TMEM50B: variants seen among roughly 807,000 people sequenced by gnomAD.
TMEM50B encodes HCV p7-trans-regulated protein 3.
Under a neutral mutation model 23.4 loss-of-function variants are expected in TMEM50B, and 14 were observed. That is an observed-to-expected ratio of 0.60 (90% CI 0.39 to 0.93). TMEM50B has a LOEUF of 0.93. TMEM50B is among the 40% of genes least tolerant of loss of function. The probability of loss-of-function intolerance (pLI) is 0.00; values close to 1 mark genes in which losing one functional copy is unlikely to be tolerated. For missense variants in TMEM50B, 159 were observed against 193.0 expected (o/e 0.82, Z 1.04); for synonymous variants, 64 against 62.3 (o/e 1.03, Z -0.13).
In TMEM50B at chr21:33,474,861, A is replaced by G. The variant is rs970420211; in HGVS notation, c.-42+4977T>C. On this transcript the variant is annotated intron_variant, in intron 1 of 6. Transcript: ENST00000542230. ...TAAATAAAATAAAAAAGCAAGAGAA[A>G]GATAAACACAAACAAATCAGGACAG... 3.4e-5 allele frequency among the ~76,000 whole-genome samples: 3 copies of G among 88,596 alleles called. No individual in the cohort carries two copies. The East Asian group carries it at 1.4e-3, about 42-fold the overall frequency. The allele number at this position is 88,596 out of a possible 152,430, so 58.1% of individuals were successfully genotyped here. A position where few individuals can be genotyped will look rare whatever the true frequency, so the allele number is the denominator to read the frequency against.
rs369469668 is a variant in TMEM50B, at chr21:33,464,710, A to G, written c.280+632T>C. Among the ~76,000 whole-genome samples, 33 of 149,430 alleles carry G rather than the reference A, an allele frequency of 2.2e-4. No individual in the cohort carries two copies. The East Asian group carries it at 4.8e-3, about 22-fold the overall frequency. On this transcript the variant is annotated intron_variant, in intron 4 of 6. Coordinates refer to ENST00000542230, the MANE Select transcript of TMEM50B (RefSeq NM_006134.7). Reference sequence around the variant, plus strand: ...ATCCCAGCTCTCGGGAGGGTGAGGCAGGAGAATTGCTTGAACCCAGGGGGT... The same window carrying G: ...ATCCCAGCTCTCGGGAGGGTGAGGCGGGAGAATTGCTTGAACCCAGGGGGT...
intron 4 of TMEM50B, among the ~76,000 whole-genome samples, chr21:33,463,005 T>G (rs2084230941): frequency 6.6e-6 from 1 of 152,182 alleles, no homozygotes; most frequent in African/African-American, 2.4e-5. Flanking sequence ...AAGCATCAGG[T>G]AGAAGGCTGG....
chr21:33,449,177 G>A lies in TMEM50B; in HGVS notation c.*1641C>T, dbSNP rs1249413728. ...TAATATTTATTGCAACAGGTTATGA[G>A]GTGGAAACAAATAATTAGTCTTACA... On this transcript the variant is annotated 3_prime_UTR_variant, in exon 7 of 7. Transcript: ENST00000542230. The A allele has an allele frequency of 6.6e-6, 1 of 152,158 alleles. No individual in the cohort carries two copies. Among genetic ancestry groups the A allele is most frequent in the Non-Finnish European group, 1.5e-5 (1 of 68,030 alleles). 9.4% of individuals were successfully genotyped at this position (152,158 alleles called of 1,614,324 possible).
At chr21:33,450,885 T>A (rs764336623) in intron 6 of TMEM50B, 22 bp from the exon 7 acceptor site, 1 of 1,608,762 alleles carries the variant, frequency 6.2e-7, no homozygotes, top group Non-Finnish European at 8.5e-7. Context: ...GGAAAACAAA[T>A]CATGAGGAAA....
chr21:33,436,284 G>C (rs957953969), intron 8 of TMEM50B, among the ~76,000 whole-genome samples: 2 of 150,962 alleles, frequency 1.3e-5, no homozygotes, highest in African/African-American at 4.9e-5. Flanking sequence ...AGATGAGATC[G>C]TGTCATTGCA....
intron 2 of TMEM50B, among the ~76,000 whole-genome samples, 181 bp from the exon 3 acceptor site, chr21:33,467,303 T>C (rs2084273234): frequency 6.6e-6 from 1 of 152,066 alleles, no homozygotes; most frequent in African/African-American, 2.4e-5. Flanking sequence ...AGTTCAAGCC[T>C]GGTCATCATG....
downstream of TMEM50B, among the ~76,000 whole-genome samples, chr21:33,444,929 G>C (rs1485435691): frequency 6.6e-6 from 1 of 151,410 alleles, no homozygotes; most frequent in Admixed American, 6.6e-5. Context: ...CCAGGAGTTC[G>C]AGACCAGCCT....
chr21:33,443,265 T>C (rs1396992716), intron 7 of TMEM50B, among the ~76,000 whole-genome samples: 1 of 152,212 alleles, frequency 6.6e-6, no homozygotes, highest in Non-Finnish European at 1.5e-5. Context: ...CTATTTACTT[T>C]CTGAAATTTT....
At chr21:33,464,301 G>A (rs757951453) in intron 4 of TMEM50B, among the ~76,000 whole-genome samples, 11 of 151,248 alleles carry the variant, frequency 7.3e-5, no homozygotes, top group Non-Finnish European at 1.5e-4. Flanking sequence ...GGGTTCAAGC[G>A]ATTCTCTTGC....
At chr21:33,474,233 C>CA (rs146886032) in intron 1 of TMEM50B, among the ~76,000 whole-genome samples, 34,563 of 151,584 alleles carry the variant, frequency 0.23, 4,490 homozygotes, top group Middle Eastern at 0.31. Context: ...GACAGGGTTT[C>CA]ACCCAGTTGT....
At chr21:33,467,143 A>G in intron 2 of TMEM50B, 21 bp from the exon 3 acceptor site, 1 of 1,589,434 alleles carries the variant, frequency 6.3e-7, no homozygotes, top group South Asian at 1.1e-5. Context: ...AGCCCAAGTC[A>G]CTGAAACATT....
chr21:33,441,091 G>A (rs984422143), intron 7 of TMEM50B, among the ~76,000 whole-genome samples: 1 of 151,662 alleles, frequency 6.6e-6, no homozygotes, highest in African/African-American at 2.4e-5. Flanking sequence ...TCAGCCCAGC[G>A]CAGTGGCAGG....
At chr21:33,454,482 T>G (rs150092476) in intron 6 of TMEM50B, among the ~76,000 whole-genome samples, 1 of 152,006 alleles carries the variant, frequency 6.6e-6, no homozygotes, top group African/African-American at 2.4e-5. Context: ...TGTATTTTTA[T>G]TAGAGATGGG....
At chr21:33,473,075 A>C (rs1175380754) in intron 1 of TMEM50B, among the ~76,000 whole-genome samples, 1 of 152,092 alleles carries the variant, frequency 6.6e-6, no homozygotes, top group Non-Finnish European at 1.5e-5. Context: ...ACAGAGACAG[A>C]ACAATAGGAA....
rs2084100501 is a variant in TMEM50B, at chr21:33,449,786, A to G, written c.*1032T>C. ...TGCGATTGTCTCAAACTTGCTTGCT[A>G]TTGAATTGTGTAACATCAGATAATG... is the stretch of plus-strand genomic sequence containing the variant. On this transcript the variant is annotated 3_prime_UTR_variant, in exon 7 of 7. Coordinates refer to ENST00000542230, the MANE Select transcript of TMEM50B (RefSeq NM_006134.7). The G allele has an allele frequency of 6.6e-6, 1 of 152,644 alleles. No individual in the cohort carries two copies. Among genetic ancestry groups the G allele is most frequent in the African/African-American group, 2.4e-5 (1 of 41,452 alleles). The allele number at this position is 152,644 out of a possible 1,614,324, so 9.5% of individuals were successfully genotyped here.
chr21:33,453,215 G>A (rs542388331), intron 6 of TMEM50B, among the ~76,000 whole-genome samples: 88 of 152,132 alleles, frequency 5.8e-4, no homozygotes, highest in African/African-American at 1.3e-3. Context: ...TCAGCCTTCC[G>A]AGTAGCTGGG....
chr21:33,466,017 T>G (rs1169827260), intron 3 of TMEM50B, among the ~76,000 whole-genome samples: 4 of 152,144 alleles, frequency 2.6e-5, no homozygotes, highest in African/African-American at 9.7e-5. Context: ...ATCCCAGCAC[T>G]TTGAGAGTCC....
At chr21:33,464,650 T>A (rs13051046) in intron 4 of TMEM50B, among the ~76,000 whole-genome samples, 150,180 of 150,206 alleles carry the variant, frequency 1, 75,077 homozygotes, top group Non-Finnish European at 1. Flanking sequence ...TACTAAAACT[T>A]CAAAATTAGC....
intron 4 of TMEM50B, among the ~76,000 whole-genome samples, chr21:33,461,881 T>A (rs1277764024): frequency 6.6e-6 from 1 of 151,924 alleles, no homozygotes; most frequent in African/African-American, 2.4e-5. Flanking sequence ...TCTAATAGAA[T>A]TAAACAAGAA....
Sources: gnomAD v4.1 joint callset for allele counts (sites outside exome capture counted in the v4.1 genomes callset) on GRCh38, gnomAD v4.1.1 for gene constraint, MANE v1.5 for transcripts, NCBI Gene and HGNC (gene_info 2026-07-23, HGNC 2026-07-21) for gene names.